KCNIP1: variants seen among roughly 807,000 people sequenced by gnomAD.
The protein encoded by KCNIP1 is A-type potassium channel modulatory protein KCNIP1.
A neutral mutation model predicts 33.0 loss-of-function variants in KCNIP1; 18 were observed. The ratio of observed to expected loss-of-function variants is 0.55; its 90% CI spans 0.38 to 0.81. The LOEUF (loss-of-function observed/expected upper bound fraction) is 0.81, where lower values mean the gene tolerates loss of function less well. KCNIP1 is among the 30% of genes least tolerant of loss of function. KCNIP1 has a pLI of 0.00. For missense variants in KCNIP1, 238 were observed against 271.6 expected (o/e 0.88, Z 0.87); for synonymous variants, 93 against 98.3 (o/e 0.95, Z 0.32).
chr5:170,624,227 A>C (rs1000474696), intron 1 of KCNIP1, among the ~76,000 whole-genome samples: 2 of 152,172 alleles, frequency 1.3e-5, no homozygotes, highest in African/African-American at 4.8e-5. Flanking sequence ...TCCAAACCAT[A>C]TTTATTGAGC....
At chr5:170,577,596 G>A (rs1440870870) in intron 1 of KCNIP1, among the ~76,000 whole-genome samples, 1 of 152,040 alleles carries the variant, frequency 6.6e-6, no homozygotes, top group African/African-American at 2.4e-5. Flanking sequence ...GATTAAAAAA[G>A]GTTAAAGAAA....
chr5:170,517,581 A>ATGGTGATGGTGG (rs1457311297), intron 1 of KCNIP1, among the ~76,000 whole-genome samples: 12 of 151,586 alleles, frequency 7.9e-5, no homozygotes, highest in Non-Finnish European at 1.8e-4. Context: ...GGTGGTGACA[A>ATGGTGATGGTGG]TGGTGATGGT....
At chr5:170,685,938 A>G (rs914360899) in intron 1 of KCNIP1, among the ~76,000 whole-genome samples, 1 of 152,232 alleles carries the variant, frequency 6.6e-6, no homozygotes. Flanking sequence ...TTTTTTAATG[A>G]CATTTCCTTT....
At chr5:170,406,255 C>T (rs1453917862) in intron 1 of KCNIP1, among the ~76,000 whole-genome samples, 1 of 152,084 alleles carries the variant, frequency 6.6e-6, no homozygotes, top group Admixed American at 6.6e-5. Flanking sequence ...AATCACGGAT[C>T]CGTGGGTCTG....
chr5:170,436,598 G>C (rs1368712882), intron 1 of KCNIP1, among the ~76,000 whole-genome samples: 1 of 152,190 alleles, frequency 6.6e-6, no homozygotes, highest in African/African-American at 2.4e-5. Flanking sequence ...ATTGCATTTC[G>C]ACAAGTTCCC....
intron 1 of KCNIP1, among the ~76,000 whole-genome samples, chr5:170,446,183 C>T (rs1454303518): frequency 6.6e-6 from 1 of 152,148 alleles, no homozygotes; most frequent in Non-Finnish European, 1.5e-5. Context: ...GGACAGAGAA[C>T]GGGATATGTT....
rs182791279 is a variant in KCNIP1, at chr5:170,701,969, G to T, written c.62-16789G>T. 2.0e-5 allele frequency among the ~76,000 whole-genome samples: 3 copies of T among 151,968 alleles called. No individual in the cohort carries two copies. The South Asian group carries it at 6.2e-4, about 32-fold the overall frequency. ...CCTCGCCTTTCCTGAGCCTTCCTTC[G>T]CTATCCTAAAACAGCGCCTCCCGAA... On this transcript the variant is annotated intron_variant, in intron 1 of 7. Coordinates refer to ENST00000328939, the MANE Select transcript of KCNIP1 (RefSeq NM_014592.4).
intron 1 of KCNIP1, among the ~76,000 whole-genome samples, chr5:170,437,659 G>A (rs890700281): frequency 7.2e-5 from 11 of 152,124 alleles, no homozygotes; most frequent in African/African-American, 1.7e-4. Context: ...GGAGCAGAAC[G>A]GACCCTCCCC....
chr5:170,595,042 C>G (rs1758396754), intron 1 of KCNIP1, among the ~76,000 whole-genome samples: 1 of 152,278 alleles, frequency 6.6e-6, no homozygotes, highest in South Asian at 2.1e-4. Flanking sequence ...TCCCCCACAC[C>G]ATTTCCTCTG....
intron 1 of KCNIP1, among the ~76,000 whole-genome samples, chr5:170,458,273 T>C (rs7736325): frequency 0.067 from 10,197 of 152,210 alleles, 644 homozygotes; most frequent in African/African-American, 0.17. Flanking sequence ...GAAAACATAT[T>C]CGGGGGAATA....
intron 1 of KCNIP1, among the ~76,000 whole-genome samples, chr5:170,448,826 G>A: frequency 6.6e-6 from 1 of 152,044 alleles, no homozygotes; most frequent in East Asian, 1.9e-4. Context: ...CACCCATTAT[G>A]TACCAAATGC....
chr5:170,455,128 T>C (rs1008054342), intron 1 of KCNIP1, among the ~76,000 whole-genome samples: 2 of 152,118 alleles, frequency 1.3e-5, no homozygotes, highest in Non-Finnish European at 1.5e-5. Flanking sequence ...ATTTAGAAAC[T>C]TCAATACCTC....
chr5:170,420,066 AT>A (rs1755442547), intron 1 of KCNIP1, among the ~76,000 whole-genome samples: 2 of 152,116 alleles, frequency 1.3e-5, no homozygotes, highest in African/African-American at 4.8e-5. Flanking sequence ...GTAACATTAC[AT>A]TTTTTCATAG....
intron 1 of KCNIP1, among the ~76,000 whole-genome samples, chr5:170,614,996 A>G (rs971373226): frequency 2.0e-5 from 3 of 152,182 alleles, no homozygotes; most frequent in African/African-American, 4.8e-5. Context: ...CGGGTGAATC[A>G]CCTGAGGTCA....
intron 1 of KCNIP1, among the ~76,000 whole-genome samples, chr5:170,404,496 GCAGT>G (rs1293081841): frequency 6.6e-6 from 1 of 152,180 alleles, no homozygotes; most frequent in East Asian, 1.9e-4. Context: ...TCATGTACTT[GCAGT>G]CAGTCGGTCC....
intron 1 of KCNIP1, among the ~76,000 whole-genome samples, chr5:170,555,470 G>A (rs1043828873): frequency 6.6e-6 from 1 of 152,168 alleles, no homozygotes; most frequent in African/African-American, 2.4e-5. Context: ...TAGGGAAACT[G>A]AGGCTGTAAG....
intron 1 of KCNIP1, among the ~76,000 whole-genome samples, chr5:170,632,581 A>G (rs1760095048): frequency 6.6e-6 from 1 of 152,248 alleles, no homozygotes; most frequent in African/African-American, 2.4e-5. Context: ...CCGTTTGCAC[A>G]TTCTTACCGC....
chr5:170,658,148 G>A (rs1174199436), intron 1 of KCNIP1, among the ~76,000 whole-genome samples: 1 of 152,124 alleles, frequency 6.6e-6, no homozygotes, highest in African/African-American at 2.4e-5. Flanking sequence ...AAGAGAATAG[G>A]GTGCTACATG....
chr5:170,587,508 GA>G (rs1356306513), intron 1 of KCNIP1, among the ~76,000 whole-genome samples: 2 of 151,618 alleles, frequency 1.3e-5, no homozygotes, highest in African/African-American at 4.8e-5. Context: ...AGTCTTATGG[GA>G]CTCAAATCAA....
Sources: gnomAD v4.1 joint callset for allele counts (sites outside exome capture counted in the v4.1 genomes callset) on GRCh38, gnomAD v4.1.1 for gene constraint, MANE v1.5 for transcripts, NCBI Gene and HGNC (gene_info 2026-07-23, HGNC 2026-07-21) for gene names.